Variants in MYOF observed in about 807,000 individuals in gnomAD.
MYOF encodes the protein myoferlin.
MYOF carries 244 observed loss-of-function variants against 284.2 expected under a neutral mutation model. The observed-to-expected ratio is 0.86, with a 90% CI of 0.77 to 0.95. MYOF has a LOEUF of 0.95. MYOF is among the 40% of genes least tolerant of loss of function. MYOF has a pLI of 0.00. For missense variants in MYOF, 2,496 were observed against 2,560.6 expected, an observed-to-expected ratio of 0.97 and a Z score of 0.54; for synonymous variants, 904 against 919.7, an observed-to-expected ratio of 0.98 and a Z score of 0.31.
chr10:93,401,041 A>G (rs1808479922), intron 12 of MYOF, among the ~76,000 whole-genome samples: 2 of 151,566 alleles, frequency 1.3e-5, no homozygotes, highest in Admixed American at 1.3e-4. Context: ...TTTTTTTTAT[A>G]GCTGGATAGC....
At chr10:93,395,775 C>T (rs991860815) in intron 16 of MYOF, among the ~76,000 whole-genome samples, 1 of 151,424 alleles carries the variant, frequency 6.6e-6, no homozygotes, top group African/African-American at 2.4e-5. Context: ...TGGGTCAATG[C>T]CACTCTAAAA....
chr10:93,378,961 C>A (rs988652547), intron 21 of MYOF, among the ~76,000 whole-genome samples: 2 of 151,826 alleles, frequency 1.3e-5, no homozygotes, highest in Non-Finnish European at 2.9e-5. Context: ...AATGATCTGC[C>A]CACCTTGGTA....
At chr10:93,324,060 C>G (rs1008234907) in intron 46 of MYOF, among the ~76,000 whole-genome samples, 1 of 152,196 alleles carries the variant, frequency 6.6e-6, no homozygotes, top group Non-Finnish European at 1.5e-5. Context: ...AGGTGAAAGC[C>G]TAGACTGACA....
chr10:93,423,854 A>G (rs1486585013), intron 5 of MYOF, among the ~76,000 whole-genome samples: 1 of 151,960 alleles, frequency 6.6e-6, no homozygotes, highest in East Asian at 1.9e-4. Context: ...AACAAACCAA[A>G]AAATCAAAAA....
At chr10:93,333,966 G>A (rs1564626596) in intron 41 of MYOF, 53 bp from the exon 42 acceptor site, 28 of 1,575,586 alleles carry the variant, frequency 1.8e-5, no homozygotes, top group Non-Finnish European at 2.4e-5. Flanking sequence ...CCAGGTAGAG[G>A]GCTCCTGGGA....
At chr10:93,447,764 G>A (rs998739745) in intron 3 of MYOF, among the ~76,000 whole-genome samples, 3 of 152,096 alleles carry the variant, frequency 2.0e-5, no homozygotes, top group African/African-American at 4.8e-5. Flanking sequence ...AAAAATGCCC[G>A]AAATGAGTGC....
At chr10:93,359,557 C>A (rs1178992515) in intron 29 of MYOF, among the ~76,000 whole-genome samples, 1 of 152,138 alleles carries the variant, frequency 6.6e-6, no homozygotes, top group Non-Finnish European at 1.5e-5. Context: ...CAACATTTAG[C>A]CTGCCTGGGA....
chr10:93,310,208 G>T, intron 52 of MYOF, 41 bp from the exon 53 acceptor site: 1 of 1,602,040 alleles, frequency 6.2e-7, no homozygotes, highest in East Asian at 2.2e-5. Context: ...CAACTCAGGA[G>T]GGATGCATAT....
chr10:93,448,069 C>T (rs2056484076), intron 3 of MYOF, among the ~76,000 whole-genome samples: 1 of 152,064 alleles, frequency 6.6e-6, no homozygotes, highest in Admixed American at 6.6e-5. Flanking sequence ...TCTGACCTCA[C>T]CTCCTTCCTG....
chr10:93,320,049 G>A (rs1038993792), intron 48 of MYOF, 36 bp from the exon 49 acceptor site: 1 of 1,611,012 alleles, frequency 6.2e-7, no homozygotes, highest in African/African-American at 1.3e-5. Flanking sequence ...AGCTTCACGT[G>A]ATTGACAAGT....
At chr10:93,403,910 G>T in intron 9 of MYOF, 113 bp downstream of exon 9, 1 of 1,138,212 alleles carries the variant, frequency 8.8e-7, no homozygotes, top group Non-Finnish European at 1.3e-6. Flanking sequence ...TCATCATGCT[G>T]AACCCTTACA....
chr10:93,323,715 G>A (rs893593016), intron 46 of MYOF: 32 of 222,650 alleles, frequency 1.4e-4, no homozygotes, highest in South Asian at 1.1e-3. Flanking sequence ...ACACACACAC[G>A]CGCGTGCGCG....
chr10:93,377,675 C>T (rs1184167214), intron 21 of MYOF, among the ~76,000 whole-genome samples: 2 of 151,722 alleles, frequency 1.3e-5, no homozygotes, highest in East Asian at 3.9e-4. Flanking sequence ...TTTTGGAACA[C>T]AGTATTTTGA....
intron 5 of MYOF, chr10:93,425,791 C>A: frequency 2.1e-6 from 1 of 473,980 alleles, no homozygotes; most frequent in Non-Finnish European, 3.9e-6. Flanking sequence ...TGAAGCAAAG[C>A]CCTGGGACAT....
In MYOF at chr10:93,372,942, G is replaced by A; in HGVS notation, c.2445C>T (p.Thr815=). Residue 815 remains threonine, a synonymous_variant, in exon 24 of 54, where the codon ACC becomes ACT. Coordinates refer to ENST00000359263, the MANE Select transcript of MYOF (RefSeq NM_013451.4). ...ASGKYCGKTQ[T]IFLKYPQEKN... is the part of the protein sequence containing the mutation. ...TGAAGATATGTACCTTCAGAAAGATGGTTTGGGTTTTCCCACAGTATTTTC... is the reference window on the plus strand; with the variant it reads ...TGAAGATATGTACCTTCAGAAAGATAGTTTGGGTTTTCCCACAGTATTTTC... The A allele has an allele frequency of 1.9e-6, 3 of 1,614,200 alleles. No homozygotes were observed. Among genetic ancestry groups the A allele is most frequent in the Non-Finnish European group, 2.5e-6 (3 of 1,180,034 alleles).
At chr10:93,467,402 T>C (rs2057035171) in intron 1 of MYOF, among the ~76,000 whole-genome samples, 1 of 40,450 alleles carries the variant, frequency 2.5e-5, no homozygotes, top group African/African-American at 5.9e-5. Context: ...CACCTATGAG[T>C]GAGAACATGC....
intron 17 of MYOF, among the ~76,000 whole-genome samples, chr10:93,392,134 A>G (rs1846723146): frequency 6.6e-6 from 1 of 152,238 alleles, no homozygotes; most frequent in South Asian, 2.1e-4. Context: ...GATTATAATG[A>G]AATAGATTGT....
chr10:93,342,002 T>G (rs1024265500), intron 38 of MYOF: 2 of 1,273,712 alleles, frequency 1.6e-6, no homozygotes, highest in African/African-American at 3.1e-5. Flanking sequence ...GAGATGGCCA[T>G]GTACACATGT....
intron 23 of MYOF, 110 bp from the exon 24 acceptor site, chr10:93,373,195 C>T (rs1035442298): frequency 3.6e-5 from 46 of 1,294,490 alleles, no homozygotes; most frequent in Admixed American, 3.2e-4. Context: ...AGCAAAGAAA[C>T]GCTGTGGTTA....
Sources: allele counts gnomAD v4.1 joint callset (sites outside exome capture counted in the v4.1 genomes callset), GRCh38; gene constraint gnomAD v4.1.1; transcripts MANE v1.5; gene names NCBI Gene and HGNC (gene_info 2026-07-23, HGNC 2026-07-21).